NDUFS4: variants seen among roughly 807,000 people sequenced by gnomAD.
NDUFS4 encodes NADH dehydrogenase [ubiquinone] iron-sulfur protein 4, mitochondrial.
A neutral mutation model predicts 24.3 loss-of-function variants in NDUFS4; 28 were observed. The observed-to-expected ratio is 1.15, with a 90% CI of 0.85 to 1.58. NDUFS4 has a LOEUF of 1.58. Ranked by LOEUF, NDUFS4 falls within the 40% of genes most tolerant of loss-of-function variation. NDUFS4 has a pLI of 0.00. For synonymous variants in NDUFS4, 93 were observed against 69.7 expected, an observed-to-expected ratio of 1.34 and a Z score of -1.67; for missense variants, 223 against 207.9, an observed-to-expected ratio of 1.07 and a Z score of -0.45.
chr5:53,602,066 G>A (rs1750340653), intron 1 of NDUFS4, among the ~76,000 whole-genome samples: 1 of 152,074 alleles, frequency 6.6e-6, no homozygotes, highest in African/African-American at 2.4e-5. Flanking sequence ...GGATGAGGGG[G>A]AGCTACTTAC....
chr5:53,568,451 A>G (rs1231855525), intron 1 of NDUFS4, among the ~76,000 whole-genome samples: 1 of 152,158 alleles, frequency 6.6e-6, no homozygotes, highest in East Asian at 1.9e-4. Flanking sequence ...GAGAGAGTTC[A>G]GGGAGATTTC....
intron 4 of NDUFS4, 142 bp from the exon 5 acceptor site, chr5:53,682,976 A>ATATC (rs1740720352): frequency 2.6e-5 from 19 of 733,166 alleles, no homozygotes; most frequent in Middle Eastern, 2.4e-4. Context: ...AATAGTAAGT[A>ATATC]TATCTCAGAT....
In NDUFS4 at chr5:53,562,301, C is replaced by T. The variant is rs182801919; in HGVS notation, c.98+1541C>T. 4.0e-3 allele frequency among the ~76,000 whole-genome samples: 608 copies of T among 152,214 alleles called. 23 individuals carry two copies. Among genetic ancestry groups the T allele is most frequent in the Admixed American group, 0.035 (532 of 15,284 alleles). On this transcript the variant is annotated intron_variant, in intron 1 of 4. Coordinates refer to ENST00000296684, the MANE Select transcript of NDUFS4 (RefSeq NM_002495.4). ...GGTGACCAAGATTAGCCCTTCCTCC[C>T]GTACAGATTATAGGGATTAATTGTC...
At chr5:53,565,776 G>A (rs1325281446) in intron 1 of NDUFS4, among the ~76,000 whole-genome samples, 2 of 152,146 alleles carry the variant, frequency 1.3e-5, no homozygotes, top group African/African-American at 4.8e-5. Flanking sequence ...CACTTCTTTT[G>A]TATTCAAATT....
chr5:53,572,497 A>T (rs999697715), intron 1 of NDUFS4, among the ~76,000 whole-genome samples: 3 of 152,072 alleles, frequency 2.0e-5, no homozygotes, highest in East Asian at 1.9e-4. Context: ...TTTCTTTTTC[A>T]TTCTTTAACA....
chr5:53,622,745 T>C (rs1379898452), intron 2 of NDUFS4, among the ~76,000 whole-genome samples: 1 of 152,198 alleles, frequency 6.6e-6, no homozygotes, highest in Admixed American at 6.5e-5. Context: ...AAAATATACA[T>C]TGCACAAAGT....
intron 2 of NDUFS4, among the ~76,000 whole-genome samples, chr5:53,619,131 A>ATAC (rs1341533429): frequency 6.7e-6 from 1 of 149,444 alleles, no homozygotes; most frequent in Non-Finnish European, 1.5e-5. Flanking sequence ...AATAATAATA[A>ATAC]TAATAATAAT....
At chr5:53,580,933 A>C (rs1579831725) in intron 1 of NDUFS4, among the ~76,000 whole-genome samples, 1 of 151,968 alleles carries the variant, frequency 6.6e-6, no homozygotes, top group Non-Finnish European at 1.5e-5. Context: ...TCCTGGGTTC[A>C]AGCGATTCTC....
chr5:53,679,331 T>G (rs1026294290), intron 4 of NDUFS4, among the ~76,000 whole-genome samples: 1 of 149,948 alleles, frequency 6.7e-6, no homozygotes, highest in Non-Finnish European at 1.5e-5. Flanking sequence ...AATGCATGCT[T>G]CTTCTCTGTG....
At chr5:53,650,118 G>A (rs576876495) in intron 3 of NDUFS4, among the ~76,000 whole-genome samples, 1 of 152,234 alleles carries the variant, frequency 6.6e-6, no homozygotes, top group East Asian at 1.9e-4. Context: ...AATCACATGA[G>A]ATTTTTACAT....
intron 2 of NDUFS4, among the ~76,000 whole-genome samples, chr5:53,619,810 AATT>A (rs1750975234): frequency 6.6e-6 from 1 of 152,168 alleles, no homozygotes; most frequent in Non-Finnish European, 1.5e-5. Context: ...TCAAAAGCAT[AATT>A]ATAAACGAAT....
chr5:53,611,416 G>T (rs953456607), intron 2 of NDUFS4, among the ~76,000 whole-genome samples: 6 of 151,846 alleles, frequency 4.0e-5, no homozygotes, highest in Admixed American at 6.6e-5. Flanking sequence ...TGTTAATAAA[G>T]AATATGGCCT....
intron 2 of NDUFS4, among the ~76,000 whole-genome samples, chr5:53,636,626 C>T (rs1018680111): frequency 6.6e-6 from 1 of 152,048 alleles, no homozygotes; most frequent in African/African-American, 2.4e-5. Context: ...TCTTATTAAA[C>T]TTAGTGATAT....
chr5:53,671,429 A>G (rs1372854179), intron 4 of NDUFS4, among the ~76,000 whole-genome samples: 1 of 152,140 alleles, frequency 6.6e-6, no homozygotes, highest in Non-Finnish European at 1.5e-5. Context: ...ATGTCCCCAA[A>G]CATACTGACA....
At chr5:53,667,721 T>G (rs1752559947) in intron 4 of NDUFS4, among the ~76,000 whole-genome samples, 2 of 152,170 alleles carry the variant, frequency 1.3e-5, no homozygotes, top group South Asian at 4.1e-4. Flanking sequence ...TGCACTAATA[T>G]GTAAAGACTA....
At chr5:53,676,589 T>C (rs1740476756) in intron 4 of NDUFS4, among the ~76,000 whole-genome samples, 1 of 152,160 alleles carries the variant, frequency 6.6e-6, no homozygotes, top group African/African-American at 2.4e-5. Flanking sequence ...TTGGGGACCA[T>C]TTTAAACAGT....
chr5:53,620,168 A>G (rs1359355689), intron 2 of NDUFS4, among the ~76,000 whole-genome samples: 2 of 152,092 alleles, frequency 1.3e-5, no homozygotes, highest in Non-Finnish European at 2.9e-5. Flanking sequence ...TTTGATACCT[A>G]GAGATAATTG....
At chr5:53,651,150 C>T (rs1752006278) in intron 3 of NDUFS4, among the ~76,000 whole-genome samples, 1 of 151,860 alleles carries the variant, frequency 6.6e-6, no homozygotes, top group African/African-American at 2.4e-5. Flanking sequence ...TCTTTTTGTT[C>T]TGGTGTTAAC....
At chr5:53,606,952 A>G (rs985141663) in intron 2 of NDUFS4, among the ~76,000 whole-genome samples, 1 of 152,270 alleles carries the variant, frequency 6.6e-6, no homozygotes, top group African/African-American at 2.4e-5. Flanking sequence ...TAACTGTTAT[A>G]TTGTACTGTT....
Sources: gnomAD v4.1 joint callset for allele counts (sites outside exome capture counted in the v4.1 genomes callset) on GRCh38, gnomAD v4.1.1 for gene constraint, MANE v1.5 for transcripts, NCBI Gene and HGNC (gene_info 2026-07-23, HGNC 2026-07-21) for gene names.